CFTR: variants seen among roughly 807,000 people sequenced by gnomAD.
CFTR encodes the protein cystic fibrosis transmembrane conductance regulator.
CFTR carries 181 observed loss-of-function variants against 171.6 expected under a neutral mutation model. The ratio of observed to expected loss-of-function variants is 1.05; its 90% confidence interval spans 0.93 to 1.19. The LOEUF (loss-of-function observed/expected upper bound fraction) is 1.19, where lower values mean the gene tolerates loss of function less well. Ranked by LOEUF, CFTR falls within the 50% of genes most tolerant of loss-of-function variation. The pLI is 0.00. For synonymous variants in CFTR, 583 were observed against 608.0 expected (o/e 0.96, Z 0.60); for missense variants, 1,968 against 1,734.7 (o/e 1.13, Z -2.39).
At chr7:117,596,164 G>T (rs1319544914) in intron 15 of CFTR, among the ~76,000 whole-genome samples, 2 of 74,384 alleles carry the variant, frequency 2.7e-5, no homozygotes, top group African/African-American at 1.1e-4. Flanking sequence ...GGCGCTGGGG[G>T]AACTGGGGCT....
At chr7:117,624,038 C>A (rs1349403465) in intron 21 of CFTR, among the ~76,000 whole-genome samples, 1 of 151,958 alleles carries the variant, frequency 6.6e-6, no homozygotes, top group African/African-American at 2.4e-5. Flanking sequence ...GCTTCAGGCT[C>A]CACAAAACCT....
intron 1 of CFTR, among the ~76,000 whole-genome samples, chr7:117,500,104 C>T (rs1798297173): frequency 6.6e-6 from 1 of 152,038 alleles, no homozygotes; most frequent in African/African-American, 2.4e-5. Flanking sequence ...TGCATTTAAA[C>T]ATTCTAGGTT....
intron 24 of CFTR, among the ~76,000 whole-genome samples, chr7:117,656,782 A>T (rs765464095): frequency 2.0e-5 from 3 of 152,170 alleles, no homozygotes; most frequent in Non-Finnish European, 2.9e-5. Flanking sequence ...TTAGAGAACA[A>T]CTGTATTCCA....
chr7:117,625,101 C>T (rs1020551916), intron 21 of CFTR, among the ~76,000 whole-genome samples: 2 of 152,122 alleles, frequency 1.3e-5, no homozygotes, highest in African/African-American at 4.8e-5. Flanking sequence ...ACTTTTTCTT[C>T]CTGTCAGAAA....
At chr7:117,576,155 C>T (rs963945999) in intron 11 of CFTR, among the ~76,000 whole-genome samples, 4 of 151,958 alleles carry the variant, frequency 2.6e-5, no homozygotes, top group Non-Finnish European at 5.9e-5. Context: ...TCCCTCCTTC[C>T]CCTATTGTCA....
At chr7:117,631,765 TA>T (rs1326368664) in intron 22 of CFTR, among the ~76,000 whole-genome samples, 1 of 152,174 alleles carries the variant, frequency 6.6e-6, no homozygotes, top group East Asian at 1.9e-4. Context: ...ACCTAGTAAG[TA>T]AACTGTTACC....
At chr7:117,607,610 T>G (rs577879894) in intron 18 of CFTR, among the ~76,000 whole-genome samples, 1 of 151,504 alleles carries the variant, frequency 6.6e-6, no homozygotes, top group East Asian at 2.0e-4. Context: ...TTGCCCATGT[T>G]GGGATGAGTC....
intron 21 of CFTR, among the ~76,000 whole-genome samples, chr7:117,615,760 C>T (rs1366791266): frequency 6.6e-6 from 1 of 151,852 alleles, no homozygotes; most frequent in African/African-American, 2.4e-5. Context: ...AAATGATGCA[C>T]ATTTACTCAT....
intron 1 of CFTR, among the ~76,000 whole-genome samples, chr7:117,491,352 A>G (rs1389130756): frequency 6.6e-6 from 1 of 152,056 alleles, no homozygotes; most frequent in East Asian, 1.9e-4. Context: ...CCTTGTGTGC[A>G]TCATCCTAAC....
intron 9 of CFTR, among the ~76,000 whole-genome samples, chr7:117,543,266 A>G (rs1799087330): frequency 6.6e-6 from 1 of 152,264 alleles, no homozygotes; most frequent in Non-Finnish European, 1.5e-5. Context: ...AGATATAGTA[A>G]GAGTAATTCC....
At chr7:117,630,673 C>T (rs1792726881) in intron 22 of CFTR, among the ~76,000 whole-genome samples, 1 of 152,218 alleles carries the variant, frequency 6.6e-6, no homozygotes, top group Non-Finnish European at 1.5e-5. Context: ...GCTCCACCCA[C>T]TTCCCCTTAG....
chr7:117,584,965 T>G (rs1791908152), intron 11 of CFTR, among the ~76,000 whole-genome samples: 1 of 151,886 alleles, frequency 6.6e-6, no homozygotes, highest in African/African-American at 2.4e-5. Context: ...TTTTTGCAGC[T>G]GTTGTAAAAG....
intron 3 of CFTR, among the ~76,000 whole-genome samples, chr7:117,529,695 A>C (rs1435887761): frequency 6.6e-6 from 1 of 152,116 alleles, no homozygotes; most frequent in Admixed American, 6.6e-5. Context: ...TGTAGAAAGC[A>C]TGGTCATCTA....
At chr7:117,505,729 T>C (rs1318944286) in intron 2 of CFTR, among the ~76,000 whole-genome samples, 1 of 152,188 alleles carries the variant, frequency 6.6e-6, no homozygotes, top group African/African-American at 2.4e-5. Context: ...TGAAGGGGGA[T>C]AAAAAATAAG....
intron 21 of CFTR, among the ~76,000 whole-genome samples, chr7:117,621,027 G>T (rs1009531354): frequency 6.6e-6 from 1 of 152,126 alleles, no homozygotes; most frequent in South Asian, 2.1e-4. Context: ...GATTGAACCC[G>T]GGAGATGGAG....
intron 20 of CFTR, among the ~76,000 whole-genome samples, chr7:117,613,501 T>G (rs1255827538): frequency 6.6e-6 from 1 of 152,118 alleles, no homozygotes; most frequent in Non-Finnish European, 1.5e-5. Flanking sequence ...TCCATAGGTG[T>G]GGGGTGAATA....
In CFTR at chr7:117,642,492, TTGAGACTAC is replaced by T; in HGVS notation, c.3776_3784del (p.Arg1259_Leu1261del). Reference sequence around the variant, plus strand: ...GAAGAGTACTTTGTTATCAGCTTTTTTGAGACTACTGAACACTGAAGGAGAAATCCAGAT... The same window carrying T: ...GAAGAGTACTTTGTTATCAGCTTTTTTGAACACTGAAGGAGAAATCCAGAT... On this transcript the variant is annotated inframe_deletion, in exon 23 of 27. Coordinates refer to ENST00000003084, the MANE Select transcript of CFTR (RefSeq NM_000492.4). 1 of 1,613,732 alleles carries T rather than the reference TTGAGACTAC, an allele frequency of 6.2e-7. No homozygotes were observed. Among genetic ancestry groups the T allele is most frequent in the South Asian group, 1.1e-5 (1 of 91,078 alleles).
At chr7:117,595,522 A>C (rs1792106768) in intron 15 of CFTR, among the ~76,000 whole-genome samples, 1 of 151,224 alleles carries the variant, frequency 6.6e-6, no homozygotes, top group African/African-American at 2.4e-5. Flanking sequence ...TAAAGATAAG[A>C]GTTTTTAATA....
chr7:117,662,845 T>C lies in CFTR; in HGVS notation c.3964-1843T>C, dbSNP rs535944536. On this transcript the variant is annotated intron_variant, in intron 24 of 26. Coordinates refer to ENST00000003084, the MANE Select transcript of CFTR (RefSeq NM_000492.4). ...GATAAACATTTGAAAATTATTAACT[T>C]ATAGGTGGTCATCAATACCCTGAAA... Among the ~76,000 whole-genome samples, 3 of 152,246 alleles carry C rather than the reference T, an allele frequency of 2.0e-5. No individual in the cohort carries two copies. The East Asian group carries it at 5.8e-4, about 29-fold the overall frequency.
Sources: gnomAD v4.1 joint callset for allele counts (sites outside exome capture counted in the v4.1 genomes callset) on GRCh38, gnomAD v4.1.1 for gene constraint, MANE v1.5 for transcripts, NCBI Gene and HGNC (gene_info 2026-07-23, HGNC 2026-07-21) for gene names.